Variants in DAB1 observed in about 807,000 individuals in gnomAD.
The protein encoded by DAB1 is disabled homolog 1.
Under a neutral mutation model 64.6 loss-of-function variants are expected in DAB1, and 15 were observed. The observed-to-expected ratio is 0.23, with a 90% CI of 0.16 to 0.36. The LOEUF is 0.36. DAB1 is among the 10% of genes least tolerant of loss of function. The pLI is 1.00. For missense variants in DAB1, 596 were observed against 706.7 expected, an observed-to-expected ratio of 0.84 and a Z score of 1.78; for synonymous variants, 235 against 251.9, an observed-to-expected ratio of 0.93 and a Z score of 0.64.
intron 2 of DAB1, among the ~76,000 whole-genome samples, chr1:57,166,360 A>G (rs974586060): frequency 6.6e-6 from 1 of 152,218 alleles, no homozygotes; most frequent in African/African-American, 2.4e-5. Flanking sequence ...AGAAGAAAAG[A>G]GAGATACAAA....
chr1:57,556,919 T>A (rs1467573431), intron 7 of DAB1, among the ~76,000 whole-genome samples: 5 of 152,234 alleles, frequency 3.3e-5, no homozygotes, highest in African/African-American at 1.2e-4. Context: ...GTCTTAGATT[T>A]AAGTCTTTGA....
intron 5 of DAB1, among the ~76,000 whole-genome samples, chr1:58,010,861 A>G (rs1361141565): frequency 2.0e-5 from 3 of 152,254 alleles, no homozygotes; most frequent in Non-Finnish European, 4.4e-5. Flanking sequence ...TTGTCTCAGC[A>G]TGGCCTTCCA....
intron 7 of DAB1, among the ~76,000 whole-genome samples, chr1:57,501,419 G>A (rs1212632455): frequency 6.6e-6 from 1 of 152,166 alleles, no homozygotes; most frequent in Non-Finnish European, 1.5e-5. Flanking sequence ...GTTAAGTCAG[G>A]AGAACCCACC....
At chr1:57,886,017 C>G (rs576856693), upstream of DAB1, among the ~76,000 whole-genome samples, 2 of 152,242 alleles carry the variant, frequency 1.3e-5, no homozygotes, top group South Asian at 4.1e-4. Context: ...AGTTTATTTA[C>G]TTTTTTAAAA....
intron 5 of DAB1, among the ~76,000 whole-genome samples, chr1:58,001,539 CA>C (rs1646507086): frequency 6.6e-6 from 1 of 152,078 alleles, no homozygotes; most frequent in Non-Finnish European, 1.5e-5. Context: ...GGATTACAGG[CA>C]CGAGCCACCA....
At chr1:57,112,034 T>TG (rs1489566463) in intron 4 of DAB1, among the ~76,000 whole-genome samples, 1 of 152,196 alleles carries the variant, frequency 6.6e-6, no homozygotes, top group Non-Finnish European at 1.5e-5. Flanking sequence ...TTAAACACTA[T>TG]GGATTATTAA....
chr1:58,006,362 G>A lies in DAB1; in HGVS notation n.388-122200C>T, dbSNP rs145902829. 2.0e-3 allele frequency among the ~76,000 whole-genome samples: 300 copies of A among 152,234 alleles called. 4 individuals carry two copies. Among genetic ancestry groups the A allele is most frequent in the African/African-American group, 6.9e-3 (286 of 41,532 alleles). On this transcript the variant is annotated intron_variant and non_coding_transcript_variant, in intron 5 of 20. Transcript: ENST00000485760. The stretch of plus-strand genomic sequence containing the variant: ...ATTAATCTTAGAGAATTGTTGAGAG[G>A]ATTAAATATGCTTGACATCTGCCTC...
chr1:57,151,940 G>A (rs1569610930), intron 2 of DAB1, among the ~76,000 whole-genome samples: 1 of 150,954 alleles, frequency 6.6e-6, no homozygotes, highest in African/African-American at 2.4e-5. Context: ...CAGCCTCCTG[G>A]GTAGCTGGGG....
chr1:58,419,791 G>A lies in DAB1; in HGVS notation n.258-76388C>T, dbSNP rs370484132. ...CTGTGTCTCAGGTGCTTCTGTATTCGTAGCCACTGTGTATGCACCACAGCT... is the reference window on the plus strand; with the variant it reads ...CTGTGTCTCAGGTGCTTCTGTATTCATAGCCACTGTGTATGCACCACAGCT... On this transcript the variant is annotated intron_variant and non_coding_transcript_variant, in intron 3 of 20. Transcript: ENST00000485760. Among the ~76,000 whole-genome samples the A allele has an allele frequency of 1.8e-3, 277 of 152,294 alleles. 7 individuals carry two copies. The South Asian group carries it at 0.051, about 28-fold the overall frequency.
intron 4 of DAB1, among the ~76,000 whole-genome samples, chr1:58,187,005 G>C (rs1352102069): frequency 6.6e-6 from 1 of 152,148 alleles, no homozygotes; most frequent in Non-Finnish European, 1.5e-5. Flanking sequence ...CAAAAAGTGT[G>C]AACACAGAAA....
chr1:57,603,579 C>A (rs553704595), intron 7 of DAB1, among the ~76,000 whole-genome samples: 1 of 152,326 alleles, frequency 6.6e-6, no homozygotes, highest in African/African-American at 2.4e-5. Flanking sequence ...GGTGGGCAGG[C>A]ACAACCGAAG....
intron 4 of DAB1, among the ~76,000 whole-genome samples, chr1:58,177,026 AT>A (rs1299722793): frequency 2.0e-5 from 3 of 152,138 alleles, no homozygotes; most frequent in Admixed American, 6.6e-5. Context: ...ACAATGGTAA[AT>A]TAAATTTCAA....
chr1:57,686,472 T>C (rs1261575850), intron 6 of DAB1, among the ~76,000 whole-genome samples: 4 of 152,104 alleles, frequency 2.6e-5, no homozygotes, highest in Non-Finnish European at 5.9e-5. Context: ...ATACAAGATG[T>C]ACAAAGAACA....
At chr1:58,220,643 T>C (rs923109267) in intron 4 of DAB1, among the ~76,000 whole-genome samples, 4 of 152,122 alleles carry the variant, frequency 2.6e-5, no homozygotes, top group South Asian at 4.1e-4. Flanking sequence ...CTGAAGAACT[T>C]AGGGCCTTTC....
intron 7 of DAB1, among the ~76,000 whole-genome samples, chr1:57,520,877 A>G (rs1403345567): frequency 6.6e-6 from 1 of 152,040 alleles, no homozygotes; most frequent in Non-Finnish European, 1.5e-5. Flanking sequence ...TGGCATAGCC[A>G]TCCAACAGGA....
chr1:57,768,816 G>A lies in DAB1; in HGVS notation n.551+115183C>T, dbSNP rs1649433565. 2.0e-5 allele frequency among the ~76,000 whole-genome samples: 3 copies of A among 151,956 alleles called. No individual in the cohort carries two copies. The South Asian group carries it at 6.2e-4, about 31-fold the overall frequency. ...AATCCAGTCCACCAAATATTAATGA[G>A]CAATAAAGATTTTACTTAATATTTC... is the stretch of plus-strand genomic sequence containing the variant. On this transcript the variant is annotated intron_variant and non_coding_transcript_variant, in intron 6 of 20. Transcript: ENST00000485760.
At chr1:58,461,605 T>C (rs930357533) in intron 3 of DAB1, among the ~76,000 whole-genome samples, 1 of 152,082 alleles carries the variant, frequency 6.6e-6, no homozygotes, top group African/African-American at 2.4e-5. Context: ...GCTAACCTAC[T>C]AAGCAGCTAA....
chr1:57,972,441 C>T (rs1178049907), intron 5 of DAB1, among the ~76,000 whole-genome samples: 2 of 152,034 alleles, frequency 1.3e-5, no homozygotes, highest in Non-Finnish European at 2.9e-5. Flanking sequence ...CAGAGTCTTG[C>T]TATGTTGCCC....
At chr1:58,380,672 G>A (rs988285344) in intron 3 of DAB1, among the ~76,000 whole-genome samples, 2 of 152,198 alleles carry the variant, frequency 1.3e-5, no homozygotes, top group African/African-American at 4.8e-5. Context: ...TAGCATGAAG[G>A]AGAGTGTCAT....
Sources: gnomAD v4.1 joint callset for allele counts (sites outside exome capture counted in the v4.1 genomes callset) on GRCh38, gnomAD v4.1.1 for gene constraint, MANE v1.5 for transcripts, NCBI Gene and HGNC (gene_info 2026-07-23, HGNC 2026-07-21) for gene names.